Variants in MDGA2 observed in about 807,000 individuals in gnomAD.
MDGA2 encodes MAM domain-containing glycosylphosphatidylinositol anchor protein 2.
A neutral mutation model predicts 117.8 loss-of-function variants in MDGA2; 40 were observed. The observed-to-expected ratio is 0.34, with a 90% CI of 0.26 to 0.44. MDGA2 has a LOEUF of 0.44. Among genes scored for constraint, MDGA2 ranks in the 20% least tolerant of loss-of-function variants. The pLI, the probability that MDGA2 is intolerant of heterozygous loss-of-function variation, is 1.00. For synonymous variants in MDGA2, 452 were observed against 439.0 expected, an observed-to-expected ratio of 1.03 and a Z score of -0.37; for missense variants, 1,123 against 1,250.6, an observed-to-expected ratio of 0.90 and a Z score of 1.54.
chr14:47,462,738 T>G (rs1893516946), intron 1 of MDGA2, among the ~76,000 whole-genome samples: 1 of 152,210 alleles, frequency 6.6e-6, no homozygotes, highest in South Asian at 2.1e-4. Context: ...GAAGCATTTT[T>G]TTTTTAAATG....
chr14:47,587,986 T>C (rs1896357726), intron 1 of MDGA2, among the ~76,000 whole-genome samples: 1 of 151,762 alleles, frequency 6.6e-6, no homozygotes. Flanking sequence ...AGAAATGCCA[T>C]TTATGTCTGG....
intron 6 of MDGA2, among the ~76,000 whole-genome samples, chr14:47,074,250 T>G (rs1038419236): frequency 6.6e-6 from 1 of 152,124 alleles, no homozygotes. Flanking sequence ...TAGTAATATA[T>G]AAATCACTCA....
At chr14:47,335,385 G>C (rs189202221) in intron 1 of MDGA2, among the ~76,000 whole-genome samples, 1 of 151,032 alleles carries the variant, frequency 6.6e-6, no homozygotes, top group African/African-American at 2.4e-5. Flanking sequence ...TTGGAGCAAA[G>C]CCTTGATGTA....
intron 9 of MDGA2, among the ~76,000 whole-genome samples, chr14:46,947,021 A>AT (rs1448678218): frequency 6.6e-6 from 1 of 152,126 alleles, no homozygotes; most frequent in Admixed American, 6.6e-5. Context: ...AACAGACTTG[A>AT]TTAGGTTTTT....
chr14:47,144,003 C>T (rs890868781), intron 4 of MDGA2, 75 bp downstream of exon 4: 6 of 1,099,536 alleles, frequency 5.5e-6, no homozygotes, highest in Non-Finnish European at 7.5e-6. Context: ...TTTCAAATAG[C>T]TATGAATTCA....
At chr14:47,512,131 A>G (rs1894655238) in intron 1 of MDGA2, among the ~76,000 whole-genome samples, 1 of 152,180 alleles carries the variant, frequency 6.6e-6, no homozygotes, top group Admixed American at 6.5e-5. Flanking sequence ...ATTGAACACC[A>G]TGCATATCAA....
chr14:47,140,746 G>C (rs1882681932), intron 4 of MDGA2, among the ~76,000 whole-genome samples: 1 of 152,050 alleles, frequency 6.6e-6, no homozygotes, highest in Non-Finnish European at 1.5e-5. Flanking sequence ...AAAACATAGG[G>C]GAAATGCTTC....
At chr14:47,660,186 A>G (rs1401638885) in intron 1 of MDGA2, among the ~76,000 whole-genome samples, 3 of 152,190 alleles carry the variant, frequency 2.0e-5, no homozygotes, top group Middle Eastern at 3.2e-3. Context: ...TTAAGAGTTA[A>G]AGTTCTAAAG....
intron 1 of MDGA2, among the ~76,000 whole-genome samples, chr14:47,455,510 A>G (rs1024565529): frequency 9.2e-5 from 14 of 152,152 alleles, no homozygotes; most frequent in Admixed American, 2.0e-4. Context: ...TGTCTCAAAA[A>G]AGCATAGGGG....
chr14:47,501,902 C>T (rs1894406973), intron 1 of MDGA2, among the ~76,000 whole-genome samples: 1 of 151,850 alleles, frequency 6.6e-6, no homozygotes. Flanking sequence ...CCCTAGCAAA[C>T]TAACACACCA....
intron 8 of MDGA2, among the ~76,000 whole-genome samples, chr14:46,958,611 G>A (rs1249159554): frequency 1.3e-5 from 2 of 152,214 alleles, no homozygotes; most frequent in East Asian, 1.9e-4. Flanking sequence ...TGATGCCTTA[G>A]GCAATGAAGT....
In MDGA2 at chr14:46,998,786, ATAATCT is replaced by A. The variant is rs1267272539; in HGVS notation, c.1819+36219_1819+36224del. Among the ~76,000 whole-genome samples, 9 of 152,132 alleles carry A rather than the reference ATAATCT, an allele frequency of 5.9e-5. No individual in the cohort carries two copies. The East Asian group carries it at 1.7e-3, about 29-fold the overall frequency. On this transcript the variant is annotated intron_variant, in intron 8 of 16. Coordinates refer to ENST00000399232, the MANE Select transcript of MDGA2 (RefSeq NM_001113498.3). ...TAAATATGTGTATGATTTTATTTAT[ATAATCT>A]TAATTAGTGGGTCAACTTTTATCTT...
chr14:47,335,028 G>T (rs1390877255), intron 1 of MDGA2, among the ~76,000 whole-genome samples: 1 of 151,754 alleles, frequency 6.6e-6, no homozygotes, highest in Non-Finnish European at 1.5e-5. Flanking sequence ...TTTGTTGCAG[G>T]CTATCCATGA....
intron 8 of MDGA2, among the ~76,000 whole-genome samples, chr14:46,992,215 C>T (rs887434911): frequency 5.9e-5 from 9 of 151,982 alleles, no homozygotes; most frequent in African/African-American, 1.9e-4. Context: ...AAGAAAGAAA[C>T]GAGTGATAAT....
Position 47,286,803 on chromosome 14 carries a change from T to TTATATATATATA in MDGA2, c.420+14596_420+14607dup, listed in dbSNP as rs34614614. Among the ~76,000 whole-genome samples, 395 of 129,996 alleles carry TTATATATATATA rather than the reference T, an allele frequency of 3.0e-3. 4 individuals are homozygous for TTATATATATATA. Among genetic ancestry groups the TTATATATATATA allele is most frequent in the African/African-American group, 0.01 (323 of 30,994 alleles). 85.3% of individuals were successfully genotyped at this position (129,996 alleles called of 152,430 possible). A position where few individuals can be genotyped will look rare whatever the true frequency, so the allele number is the denominator to read the frequency against. On this transcript the variant is annotated intron_variant, in intron 2 of 16. Transcript: ENST00000399232. ...AACCAGGACTATCTCAGGCATATCA[T>TTATATATATATA]TATATATATATATATATATATACAT...
At chr14:47,639,484 T>A (rs1171004154) in intron 1 of MDGA2, among the ~76,000 whole-genome samples, 2 of 152,154 alleles carry the variant, frequency 1.3e-5, no homozygotes, top group Non-Finnish European at 2.9e-5. Context: ...TCCTTGCTTT[T>A]ACAGTTACTC....
At position 47,233,825 on chromosome 14, in the gene MDGA2, C is replaced by T. The variant is rs1886771148; in HGVS notation, c.421-15630G>A. On this transcript the variant is annotated intron_variant, in intron 2 of 16. Coordinates refer to ENST00000399232, the MANE Select transcript of MDGA2 (RefSeq NM_001113498.3). ...CATTTCTGAGAACATTTCACTCCCA[C>T]CACAAGGACTGGGGAGAGAGAACTC... Among the ~76,000 whole-genome samples the T allele has an allele frequency of 1.3e-5, 2 of 152,068 alleles. 1 individual carries two copies. Among genetic ancestry groups the T allele is most frequent in the South Asian group, 4.1e-4 (2 of 4,832 alleles).
At chr14:47,440,948 T>C (rs1465968622) in intron 1 of MDGA2, among the ~76,000 whole-genome samples, 1 of 152,124 alleles carries the variant, frequency 6.6e-6, no homozygotes, top group Non-Finnish European at 1.5e-5. Flanking sequence ...CTGATTTCAT[T>C]TGGGGACTGC....
chr14:47,232,320 G>A lies in MDGA2; in HGVS notation c.421-14125C>T, dbSNP rs901457164. Among the ~76,000 whole-genome samples the A allele has an allele frequency of 3.3e-5, 5 of 151,804 alleles. No individual in the cohort carries two copies. In the East Asian group the frequency reaches 7.7e-4, roughly 23 times the overall value. On this transcript the variant is annotated intron_variant, in intron 2 of 16. Transcript: ENST00000399232. ...TAAGGTACATTTTTCTTGGACCTTG[G>A]TAGGGAGAGTTACTTTGGATTCTAA...
Sources: gnomAD v4.1 joint callset for allele counts (sites outside exome capture counted in the v4.1 genomes callset) on GRCh38, gnomAD v4.1.1 for gene constraint, MANE v1.5 for transcripts, NCBI Gene and HGNC (gene_info 2026-07-23, HGNC 2026-07-21) for gene names.